PGM5: variants seen among roughly 807,000 people sequenced by gnomAD.
The protein encoded by PGM5 is phosphoglucomutase-like protein 5.
A neutral mutation model predicts 59.2 loss-of-function variants in PGM5; 23 were observed. That is an observed-to-expected ratio of 0.39 (90% CI 0.28 to 0.55). The LOEUF is 0.55. Among genes scored for constraint, PGM5 ranks in the 20% least tolerant of loss-of-function variants. The probability of loss-of-function intolerance (pLI) is 0.66; values close to 1 mark genes in which losing one functional copy is unlikely to be tolerated. For missense variants in PGM5, 574 were observed against 748.3 expected (o/e 0.77, Z 2.72); for synonymous variants, 214 against 286.0 (o/e 0.75, Z 2.54).
chr9:68,488,880 A>G (rs1824341145), intron 9 of PGM5, among the ~76,000 whole-genome samples: 3 of 152,340 alleles, frequency 2.0e-5, no homozygotes, highest in South Asian at 4.1e-4. Flanking sequence ...GCCTATAGCT[A>G]CAATGAGAAT....
intron 1 of PGM5, among the ~76,000 whole-genome samples, chr9:68,373,097 C>T (rs1414298031): frequency 2.7e-5 from 4 of 149,004 alleles, no homozygotes; most frequent in South Asian, 4.3e-4. Flanking sequence ...GGGAAAGCCA[C>T]TCATTGACAT....
intron 6 of PGM5, among the ~76,000 whole-genome samples, chr9:68,430,318 T>C (rs1343344428): frequency 1.3e-5 from 2 of 152,244 alleles, no homozygotes; most frequent in Admixed American, 1.3e-4. Context: ...GCGTGAGCTA[T>C]GGCCTTGGGG....
chr9:68,418,647 C>A (rs1823076447), intron 6 of PGM5, among the ~76,000 whole-genome samples: 1 of 151,216 alleles, frequency 6.6e-6, no homozygotes, highest in Non-Finnish European at 1.5e-5. Context: ...GGCAGGACGA[C>A]TTGACTGGCT....
chr9:68,512,291 A>C (rs1306005323), intron 10 of PGM5, among the ~76,000 whole-genome samples: 1 of 152,256 alleles, frequency 6.6e-6, no homozygotes, highest in Non-Finnish European at 1.5e-5. Flanking sequence ...GGGATTAAAC[A>C]GAAAAACTGG....
rs1330441894 is a variant in PGM5 at position 68,356,964 on chromosome 9, G to A, written c.-164G>A. 7.0e-6 allele frequency: 4 copies of A among 573,384 alleles called. No individual in the cohort carries two copies. The highest frequency in any genetic ancestry group is 3.6e-5 in the East Asian group (1 of 27,554). 35.5% of individuals were successfully genotyped at this position (573,384 alleles called of 1,614,324 possible). ...GGCCGCGCGGAGAGGAGGGGCGGGC[G>A]GTCCCCAGGCGGGCGGGTGCAGGGC... is the stretch of plus-strand genomic sequence containing the variant. On this transcript the variant is annotated 5_prime_UTR_variant, in exon 1 of 11. Transcript: ENST00000396396.
intron 6 of PGM5, among the ~76,000 whole-genome samples, chr9:68,406,678 G>GTATATATATA (rs782034091): frequency 8.5e-5 from 2 of 23,600 alleles, no homozygotes; most frequent in African/African-American, 3.5e-4. Context: ...ATATATATAT[G>GTATATATATA]TATATATATA....
chr9:68,499,365 C>G lies in PGM5; in HGVS notation c.1614+4C>G. On this transcript the variant is annotated splice_donor_region_variant and intron_variant, in intron 10 of 10. Coordinates refer to ENST00000396396, the MANE Select transcript of PGM5 (RefSeq NM_021965.4). Reference sequence around the variant, plus strand: ...CGGCCATGACCAGGAGCCACAGGTACAGAAACAGCTGTGCTCCCAGCAGTG... The same window carrying G: ...CGGCCATGACCAGGAGCCACAGGTAGAGAAACAGCTGTGCTCCCAGCAGTG... The G allele has an allele frequency of 6.2e-7, 1 of 1,613,854 alleles. No individual in the cohort carries two copies. Among genetic ancestry groups the G allele is most frequent in the South Asian group, 1.1e-5 (1 of 91,064 alleles).
At chr9:68,465,566 C>A (rs2132079417) in intron 7 of PGM5, among the ~76,000 whole-genome samples, 1 of 152,236 alleles carries the variant, frequency 6.6e-6, no homozygotes, top group East Asian at 1.9e-4. Flanking sequence ...AACACTCCTC[C>A]CTGATTATTG....
intron 10 of PGM5, among the ~76,000 whole-genome samples, chr9:68,521,569 G>A (rs1407075873): frequency 6.6e-6 from 1 of 152,168 alleles, no homozygotes; most frequent in Non-Finnish European, 1.5e-5. Flanking sequence ...CCTAGCAAGT[G>A]TATTCCATGT....
intron 1 of PGM5, among the ~76,000 whole-genome samples, chr9:68,363,089 T>G (rs1374051311): frequency 1.4e-4 from 22 of 151,758 alleles, no homozygotes; most frequent in Non-Finnish European, 2.8e-4. Context: ...AGGCTGGTCT[T>G]GAACTCCTGA....
At chr9:68,497,826 G>A (rs1824505299) in intron 9 of PGM5, 1 of 152,098 alleles carries the variant, frequency 6.6e-6, no homozygotes, top group Admixed American at 6.5e-5. Flanking sequence ...TACCTTATCA[G>A]TTGTCTTAGG....
At position 68,530,496 on chromosome 9, in the gene PGM5, C is replaced by G. The variant is rs1825063025; in HGVS notation, c.*840C>G. The G allele has an allele frequency of 6.6e-6, 1 of 152,176 alleles. No individual in the cohort carries two copies. The highest frequency in any genetic ancestry group is 1.5e-5 in the Non-Finnish European group (1 of 68,034). The allele number at this position is 152,176 out of a possible 1,614,324, so 9.4% of individuals were successfully genotyped here. On this transcript the variant is annotated 3_prime_UTR_variant, in exon 11 of 11. Transcript: ENST00000396396. ...TTGGTACATGGGTTTATACAAGTTCCTCTTGAGAAGGCAAAAAGACCACCA... is the reference window on the plus strand; with the variant it reads ...TTGGTACATGGGTTTATACAAGTTCGTCTTGAGAAGGCAAAAAGACCACCA...
At chr9:68,421,415 CT>C (rs1428304569) in intron 6 of PGM5, among the ~76,000 whole-genome samples, 3 of 152,162 alleles carry the variant, frequency 2.0e-5, no homozygotes, top group Non-Finnish European at 4.4e-5. Context: ...TAAATTCCTT[CT>C]GTTTGAAATA....
At chr9:68,424,987 A>G (rs1201401808) in intron 6 of PGM5, among the ~76,000 whole-genome samples, 1 of 152,196 alleles carries the variant, frequency 6.6e-6, no homozygotes. Flanking sequence ...AATTTCTACT[A>G]AGACAAATTT....
intron 7 of PGM5, among the ~76,000 whole-genome samples, chr9:68,470,279 G>A (rs989314506): frequency 6.6e-6 from 1 of 152,128 alleles, no homozygotes; most frequent in African/African-American, 2.4e-5. Context: ...TCTTTTGTAT[G>A]CACCAAATTC....
chr9:68,387,325 G>A lies in PGM5; in HGVS notation c.572-138G>A, dbSNP rs1385359178. ...ATTTTTGTCAACAAATGGGCACTTC[G>A]CTTCCCACATCATGTGCAGGGATAT... is the stretch of plus-strand genomic sequence containing the variant. On this transcript the variant is annotated intron_variant, in intron 3 of 10. Coordinates refer to ENST00000396396, the MANE Select transcript of PGM5 (RefSeq NM_021965.4). 5.8e-5 allele frequency: 43 copies of A among 737,116 alleles called. No individual in the cohort carries two copies. The South Asian group carries it at 6.4e-4, about 11-fold the overall frequency. The allele number at this position is 737,116 out of a possible 1,614,324, so 45.7% of individuals were successfully genotyped here.
chr9:68,455,399 A>G (rs1443735068), intron 6 of PGM5, among the ~76,000 whole-genome samples: 1 of 151,966 alleles, frequency 6.6e-6, no homozygotes, highest in Non-Finnish European at 1.5e-5. Flanking sequence ...TAAGAACCAT[A>G]CCCAGGACTG....
chr9:68,479,445 G>A lies in PGM5; in HGVS notation c.1187G>A (p.Gly396Asp). The A allele has an allele frequency of 6.2e-7, 1 of 1,613,850 alleles. No individual in the cohort carries two copies. Residue 396 changes from glycine to aspartate, a missense_variant, in exon 8 of 11, where the codon GGC becomes GAC. Gly to Asp is a moderately conservative substitution (Grantham distance 94, BLOSUM62 -1). Transcript: ENST00000396396. The stretch of plus-strand genomic sequence containing the variant: ...TCTGACCACCTCCGAGAGAAGGATG[G>A]CCTGTGGGCTGTCTTGGTCTGGCTC... ...TGSDHLREKD[G>D]LWAVLVWLSI...
rs558216641 is a variant in PGM5, at chr9:68,482,916, T to C, written c.1296-949T>C. On this transcript the variant is annotated intron_variant, in intron 8 of 10. Transcript: ENST00000396396. ...TATTATTTTTAGTCTTTTATTTTAT[T>C]TTTTCTAATCGACTTCCAGCCCCAT... Among the ~76,000 whole-genome samples the C allele has an allele frequency of 2.4e-4, 37 of 152,374 alleles. No homozygotes were observed. In the East Asian group the frequency reaches 6.5e-3, roughly 27 times the overall value.
Sources: gnomAD v4.1 joint callset for allele counts (sites outside exome capture counted in the v4.1 genomes callset) on GRCh38, gnomAD v4.1.1 for gene constraint, MANE v1.5 for transcripts, NCBI Gene and HGNC (gene_info 2026-07-23, HGNC 2026-07-21) for gene names.